Variants in RASSF8 observed in about 807,000 individuals in gnomAD.
RASSF8 encodes the protein Ras association domain family member 8.
Under a neutral mutation model 48.5 loss-of-function variants are expected in RASSF8, and 22 were observed. The observed-to-expected ratio is 0.45, with a 90% CI of 0.32 to 0.65. The LOEUF (loss-of-function observed/expected upper bound fraction) is 0.65, where lower values mean the gene tolerates loss of function less well. RASSF8 is among the 30% of genes least tolerant of loss of function. RASSF8 has a pLI of 0.03. For synonymous variants in RASSF8, 127 were observed against 171.5 expected (o/e 0.74, Z 2.03); for missense variants, 418 against 489.2 (o/e 0.85, Z 1.37).
At chr12:26,076,983 T>C (rs1392638698), downstream of RASSF8, among the ~76,000 whole-genome samples, 2 of 152,262 alleles carry the variant, frequency 1.3e-5, no homozygotes, top group Non-Finnish European at 2.9e-5. Flanking sequence ...GGTATCTCAT[T>C]GTGGTTTTGA....
At chr12:26,028,368 T>A (rs1055880221) in intron 2 of RASSF8, among the ~76,000 whole-genome samples, 1 of 152,246 alleles carries the variant, frequency 6.6e-6, no homozygotes, top group Non-Finnish European at 1.5e-5. Flanking sequence ...TGTGTTGGAA[T>A]GTGAGACAAT....
intron 1 of RASSF8, among the ~76,000 whole-genome samples, chr12:25,981,583 C>T (rs1043530895): frequency 6.6e-6 from 1 of 152,196 alleles, no homozygotes; most frequent in African/African-American, 2.4e-5. Flanking sequence ...CTATCAGATG[C>T]ATTTACCATG....
downstream of RASSF8, among the ~76,000 whole-genome samples, chr12:26,073,888 A>G (rs887410128): frequency 7.9e-5 from 12 of 151,772 alleles, no homozygotes; most frequent in African/African-American, 2.9e-4. Flanking sequence ...TTATTGAGCC[A>G]AAGTAAATTT....
chr12:25,964,758 A>G (rs970184151), intron 1 of RASSF8, among the ~76,000 whole-genome samples: 7 of 152,322 alleles, frequency 4.6e-5, no homozygotes, highest in African/African-American at 1.4e-4. Context: ...CTCTACTGTA[A>G]AAATACCAGT....
intron 2 of RASSF8, among the ~76,000 whole-genome samples, chr12:26,007,594 G>A (rs1329863417): frequency 2.0e-5 from 3 of 152,208 alleles, no homozygotes; most frequent in Non-Finnish European, 4.4e-5. Flanking sequence ...GTAAAGGTGA[G>A]TGGGTCTTTA....
chr12:26,001,949 C>G (rs1942268676), intron 2 of RASSF8, among the ~76,000 whole-genome samples: 1 of 152,106 alleles, frequency 6.6e-6, no homozygotes, highest in Non-Finnish European at 1.5e-5. Context: ...TTGCTTACAC[C>G]AGCATCAGCA....
downstream of RASSF8, among the ~76,000 whole-genome samples, chr12:26,075,048 A>C (rs1364080114): frequency 1.3e-5 from 2 of 152,238 alleles, no homozygotes; most frequent in Non-Finnish European, 2.9e-5. Flanking sequence ...ACTACTTAAG[A>C]GGCCTGTAGG....
At chr12:26,004,575 G>A (rs1241422512) in intron 2 of RASSF8, among the ~76,000 whole-genome samples, 1 of 152,126 alleles carries the variant, frequency 6.6e-6, no homozygotes, top group South Asian at 2.1e-4. Context: ...TATGTTATAT[G>A]TATTATATAC....
chr12:26,004,999 A>T (rs1272525729), intron 2 of RASSF8, among the ~76,000 whole-genome samples: 2 of 132,422 alleles, frequency 1.5e-5, no homozygotes, highest in African/African-American at 2.5e-5. Context: ...ACAAAAAGTT[A>T]AAAAAAAATG....
At chr12:26,057,834 A>G (rs1033823587) in intron 3 of RASSF8, among the ~76,000 whole-genome samples, 1 of 152,108 alleles carries the variant, frequency 6.6e-6, no homozygotes, top group African/African-American at 2.4e-5. Context: ...CTGGTGTGAG[A>G]TGGTATCTCA....
At chr12:26,050,471 C>T (rs1943468362) in intron 2 of RASSF8, among the ~76,000 whole-genome samples, 1 of 152,190 alleles carries the variant, frequency 6.6e-6, no homozygotes, top group Admixed American at 6.5e-5. Context: ...CCATTTCTTA[C>T]AAATGCTGCT....
intron 2 of RASSF8, among the ~76,000 whole-genome samples, chr12:26,006,196 T>TCTTCC (rs1942386754): frequency 6.6e-6 from 1 of 152,216 alleles, no homozygotes; most frequent in South Asian, 2.1e-4. Flanking sequence ...ATCCTTTTCT[T>TCTTCC]CTTCCCTTCC....
intron 2 of RASSF8, among the ~76,000 whole-genome samples, chr12:26,000,329 G>C (rs917665657): frequency 6.6e-6 from 1 of 152,064 alleles, no homozygotes; most frequent in Non-Finnish European, 1.5e-5. Flanking sequence ...TTGGGAGAAA[G>C]AAGCTACTAA....
chr12:26,074,578 C>T (rs546199918), downstream of RASSF8, among the ~76,000 whole-genome samples: 6 of 151,994 alleles, frequency 3.9e-5, no homozygotes, highest in East Asian at 3.9e-4. Context: ...CTCCTGACCT[C>T]GTGTTCCACC....
intron 2 of RASSF8, among the ~76,000 whole-genome samples, chr12:25,999,899 T>C (rs537769914): frequency 6.6e-6 from 1 of 152,330 alleles, no homozygotes; most frequent in East Asian, 1.9e-4. Context: ...GCAATTGGCC[T>C]GTAGAAAGGA....
At chr12:26,012,835 C>G (rs1433008067) in intron 2 of RASSF8, among the ~76,000 whole-genome samples, 1 of 151,898 alleles carries the variant, frequency 6.6e-6, no homozygotes, top group Non-Finnish European at 1.5e-5. Flanking sequence ...CCACCATGCC[C>G]ACGTAATTTT....
intron 1 of RASSF8, among the ~76,000 whole-genome samples, chr12:25,974,087 C>T (rs140966213): frequency 1.1e-3 from 161 of 151,836 alleles, no homozygotes; most frequent in African/African-American, 3.4e-3. Context: ...TCAGTGAGCT[C>T]GGTGGTCCAG....
Position 26,069,309 on chromosome 12 carries a change from T to G in RASSF8, c.*491T>G. On this transcript the variant is annotated 3_prime_UTR_variant, in exon 6 of 6. Coordinates refer to ENST00000689635, the MANE Select transcript of RASSF8 (RefSeq NM_001394098.1). ...AGACTCCATCCATGCATTGCTGATT[T>G]ACACTACACAAGTGTCCTAGGGTGC... 1 of 985,700 alleles carries G rather than the reference T, an allele frequency of 1.0e-6. No homozygotes were observed. Among genetic ancestry groups the G allele is most frequent in the Non-Finnish European group, 1.2e-6 (1 of 829,762 alleles). The allele number at this position is 985,700 out of a possible 1,614,324, so 61.1% of individuals were successfully genotyped here.
chr12:26,028,341 ATAACCTT>A (rs1163134867), intron 2 of RASSF8, among the ~76,000 whole-genome samples: 1 of 152,214 alleles, frequency 6.6e-6, no homozygotes, highest in Non-Finnish European at 1.5e-5. Flanking sequence ...ATGATGTGTG[ATAACCTT>A]ATTTGCCAGT....
Sources: gnomAD v4.1 joint callset for allele counts (sites outside exome capture counted in the v4.1 genomes callset) on GRCh38, gnomAD v4.1.1 for gene constraint, MANE v1.5 for transcripts, NCBI Gene and HGNC (gene_info 2026-07-23, HGNC 2026-07-21) for gene names.